Variants in ZNF536 observed in about 807,000 individuals in gnomAD.
ZNF536 encodes zinc finger protein 536.
ZNF536 carries 13 observed loss-of-function variants against 84.5 expected under a neutral mutation model. That is an observed-to-expected ratio of 0.15 (90% CI 0.10 to 0.24). ZNF536 has a LOEUF of 0.24. ZNF536 is among the 10% of genes least tolerant of loss of function. The pLI, the probability that ZNF536 is intolerant of heterozygous loss-of-function variation, is 1.00. For missense variants in ZNF536, 1,536 were observed against 1,747.5 expected (o/e 0.88, Z 2.16); for synonymous variants, 811 against 742.5 (o/e 1.09, Z -1.50).
chr19:30,379,519 C>T (rs2048941428), intron 1 of ZNF536, among the ~76,000 whole-genome samples: 1 of 150,814 alleles, frequency 6.6e-6, no homozygotes, highest in African/African-American at 2.4e-5. Flanking sequence ...TGGGGTGGGG[C>T]AGGGATGTAT....
chr19:30,523,083 G>A (rs1461975277), intron 2 of ZNF536, among the ~76,000 whole-genome samples: 2 of 152,070 alleles, frequency 1.3e-5, no homozygotes, highest in Non-Finnish European at 2.9e-5. Context: ...GAAGGATCAT[G>A]TCCCCTCATG....
intron 3 of ZNF536, among the ~76,000 whole-genome samples, chr19:30,358,444 G>A (rs2048167178): frequency 6.6e-6 from 1 of 152,232 alleles, no homozygotes; most frequent in Non-Finnish European, 1.5e-5. Flanking sequence ...TGTCTGGGTG[G>A]TGGGGTTTGT....
intron 2 of ZNF536, among the ~76,000 whole-genome samples, chr19:30,489,424 T>A (rs771736314): frequency 3.3e-4 from 50 of 151,658 alleles, no homozygotes; most frequent in Admixed American, 3.3e-4. Flanking sequence ...TACAAAAAAT[T>A]TTTAAAAATT....
intron 1 of ZNF536, among the ~76,000 whole-genome samples, chr19:30,651,839 C>T (rs551237050): frequency 6.6e-6 from 1 of 152,306 alleles, no homozygotes; most frequent in South Asian, 2.1e-4. Flanking sequence ...AGGGCAGTGT[C>T]TAAAGGAACT....
At chr19:30,236,238 G>A (rs1008581395) in intron 1 of ZNF536, among the ~76,000 whole-genome samples, 17 of 152,210 alleles carry the variant, frequency 1.1e-4, no homozygotes, top group African/African-American at 1.2e-4. Flanking sequence ...TCCTGCCGCC[G>A]CCGGGTACTG....
intron 2 of ZNF536, among the ~76,000 whole-genome samples, chr19:30,332,122 G>A (rs1049374354): frequency 6.6e-6 from 1 of 152,122 alleles, no homozygotes; most frequent in Non-Finnish European, 1.5e-5. Flanking sequence ...AGCATGCCAT[G>A]TGCCAACTGC....
At chr19:30,517,544 T>G (rs2044132689) in intron 2 of ZNF536, among the ~76,000 whole-genome samples, 1 of 152,142 alleles carries the variant, frequency 6.6e-6, no homozygotes, top group African/African-American at 2.4e-5. Context: ...GCTGACCATG[T>G]GTGAGTGAAA....
At chr19:30,660,733 T>C (rs1211617990) in intron 1 of ZNF536, among the ~76,000 whole-genome samples, 1 of 152,236 alleles carries the variant, frequency 6.6e-6, no homozygotes, top group Non-Finnish European at 1.5e-5. Context: ...CAAGGCCATA[T>C]GGCCTGAGTA....
intron 2 of ZNF536, among the ~76,000 whole-genome samples, chr19:30,448,795 G>A (rs564485798): frequency 4.9e-4 from 74 of 152,330 alleles, no homozygotes; most frequent in South Asian, 3.1e-3. Context: ...GTTATCTGAT[G>A]TAATTCTTTG....
intron 1 of ZNF536, among the ~76,000 whole-genome samples, chr19:30,426,270 G>A (rs990819110): frequency 6.6e-6 from 1 of 152,182 alleles, no homozygotes; most frequent in Admixed American, 6.5e-5. Flanking sequence ...TTCTGGAAAA[G>A]AACTCTATTC....
At chr19:30,569,559 CTTTTTTTTTTTTTTT>C (rs34995610) in intron 1 of ZNF536, among the ~76,000 whole-genome samples, 15 of 55,092 alleles carry the variant, frequency 2.7e-4, no homozygotes, top group Middle Eastern at 0.01. Context: ...GATAAACGTT[CTTTTTTTTTTTTTTT>C]TTTTTTTTTT....
At chr19:30,297,028 A>G (rs2046019165) in intron 2 of ZNF536, among the ~76,000 whole-genome samples, 1 of 152,236 alleles carries the variant, frequency 6.6e-6, no homozygotes. Context: ...ATCAGGCACG[A>G]GGCCCCAGCC....
intron 2 of ZNF536, among the ~76,000 whole-genome samples, chr19:30,325,814 C>A (rs2047004423): frequency 6.6e-6 from 1 of 152,174 alleles, no homozygotes; most frequent in African/African-American, 2.4e-5. Context: ...ACTGTTGGAG[C>A]AAGCTGCACC....
intron 2 of ZNF536, among the ~76,000 whole-genome samples, chr19:30,516,513 C>G (rs1171955621): frequency 6.6e-6 from 1 of 152,204 alleles, no homozygotes; most frequent in Non-Finnish European, 1.5e-5. Context: ...ATCTTTCTTT[C>G]TCCTTGAAGA....
chr19:30,262,276 A>G (rs1599936425), intron 1 of ZNF536, among the ~76,000 whole-genome samples: 1 of 152,198 alleles, frequency 6.6e-6, no homozygotes, highest in Non-Finnish European at 1.5e-5. Flanking sequence ...GCGGCTGCCC[A>G]GGACATAGGT....
At chr19:30,380,444 C>G (rs910926655) in intron 1 of ZNF536, among the ~76,000 whole-genome samples, 1 of 152,142 alleles carries the variant, frequency 6.6e-6, no homozygotes. Flanking sequence ...CCCGGAGAAC[C>G]CACGGCTCGG....
intron 1 of ZNF536, among the ~76,000 whole-genome samples, chr19:30,654,548 T>A (rs972017980): frequency 2.6e-5 from 4 of 152,136 alleles, no homozygotes; most frequent in Non-Finnish European, 5.9e-5. Flanking sequence ...ATTCAAAGAT[T>A]TCTCCATGAC....
intron 1 of ZNF536, among the ~76,000 whole-genome samples, chr19:30,613,546 C>T (rs1159111455): frequency 6.6e-6 from 1 of 152,118 alleles, no homozygotes; most frequent in African/African-American, 2.4e-5. Context: ...TATTTTGTTG[C>T]TCAAATTGTC....
At chr19:30,559,628 T>C (rs1009845422), downstream of ZNF536, among the ~76,000 whole-genome samples, 5 of 152,162 alleles carry the variant, frequency 3.3e-5, no homozygotes, top group African/African-American at 1.2e-4. Flanking sequence ...GTTTTGCCAG[T>C]CCTCCTGGGA....
Sources: gnomAD v4.1 joint callset for allele counts (sites outside exome capture counted in the v4.1 genomes callset) on GRCh38, gnomAD v4.1.1 for gene constraint, MANE v1.5 for transcripts, NCBI Gene and HGNC (gene_info 2026-07-23, HGNC 2026-07-21) for gene names.